Variants in SGPP1 observed in about 807,000 individuals in gnomAD.
SGPP1 encodes the protein sphingosine-1-phosphate phosphatase 1.
Under a neutral mutation model 33.0 loss-of-function variants are expected in SGPP1, and 21 were observed. The ratio of observed to expected loss-of-function variants is 0.64; its 90% CI spans 0.45 to 0.92. The LOEUF is 0.92. Ranked by LOEUF, SGPP1 falls within the 40% of genes least tolerant of loss-of-function variation. SGPP1 has a pLI of 0.00. For missense variants in SGPP1, 543 were observed against 589.4 expected (o/e 0.92, Z 0.81); for synonymous variants, 239 against 241.2 (o/e 0.99, Z 0.08).
intron 1 of SGPP1, among the ~76,000 whole-genome samples, chr14:63,711,007 TTTTC>T (rs1225939344): frequency 4.7e-5 from 7 of 149,990 alleles, no homozygotes; most frequent in East Asian, 3.8e-4. Flanking sequence ...ATTAAGATTG[TTTTC>T]TTTCTTTTTT....
intron 1 of SGPP1, among the ~76,000 whole-genome samples, chr14:63,721,510 A>C (rs1478370393): frequency 6.6e-6 from 1 of 152,192 alleles, no homozygotes; most frequent in African/African-American, 2.4e-5. Flanking sequence ...TTTCAAACAC[A>C]AGTATCGTGC....
intron 1 of SGPP1, among the ~76,000 whole-genome samples, chr14:63,700,881 T>C (rs542840990): frequency 3.9e-5 from 6 of 152,302 alleles, no homozygotes; most frequent in Admixed American, 2.0e-4. Flanking sequence ...GGAAACTACA[T>C]GTTGAGATGC....
intron 1 of SGPP1, among the ~76,000 whole-genome samples, chr14:63,725,993 C>G (rs1407285274): frequency 6.6e-6 from 1 of 152,216 alleles, no homozygotes; most frequent in Non-Finnish European, 1.5e-5. Context: ...GCTTCACAAT[C>G]TGAACATCAC....
At chr14:63,705,907 C>G (rs191833093) in intron 1 of SGPP1, among the ~76,000 whole-genome samples, 1 of 152,254 alleles carries the variant, frequency 6.6e-6, no homozygotes, top group Admixed American at 6.5e-5. Flanking sequence ...AATTACCATA[C>G]GACCCACACA....
chr14:63,708,215 T>C (rs1237540376), intron 1 of SGPP1, among the ~76,000 whole-genome samples: 1 of 151,778 alleles, frequency 6.6e-6, no homozygotes, highest in African/African-American at 2.4e-5. Flanking sequence ...CCAATCTTTC[T>C]TTTTTTCTTG....
intron 1 of SGPP1, among the ~76,000 whole-genome samples, chr14:63,706,367 G>C (rs1393694559): frequency 6.6e-6 from 1 of 152,072 alleles, no homozygotes; most frequent in South Asian, 2.1e-4. Context: ...ACGGTTGTAC[G>C]ACATTGTGAA....
At chr14:63,692,486 G>A (rs1189302689) in intron 2 of SGPP1, among the ~76,000 whole-genome samples, 1 of 151,434 alleles carries the variant, frequency 6.6e-6, no homozygotes, top group Non-Finnish European at 1.5e-5. Context: ...GTCTTGCCGT[G>A]TCATTCAGCC....
chr14:63,715,250 G>A (rs914237482), intron 1 of SGPP1, among the ~76,000 whole-genome samples: 7 of 149,292 alleles, frequency 4.7e-5, no homozygotes, highest in Non-Finnish European at 8.9e-5. Context: ...CCTGACCTCA[G>A]GTGATCCACC....
At chr14:63,718,970 GTATATACATATATATATA>G (rs1885688678) in intron 1 of SGPP1, among the ~76,000 whole-genome samples, 2 of 63,560 alleles carry the variant, frequency 3.1e-5, no homozygotes, top group Non-Finnish European at 5.5e-5. Flanking sequence ...TCATATATAT[GTATATACATATATATATA>G]TATATATATA....
intron 2 of SGPP1, among the ~76,000 whole-genome samples, chr14:63,689,653 G>A (rs1034217788): frequency 3.3e-5 from 5 of 151,962 alleles, no homozygotes; most frequent in African/African-American, 4.8e-5. Context: ...AAAATTAGCC[G>A]GGTGTGGTGG....
chr14:63,704,908 T>C (rs1263203546), intron 1 of SGPP1, among the ~76,000 whole-genome samples: 5 of 152,026 alleles, frequency 3.3e-5, no homozygotes, highest in Admixed American at 3.3e-4. Flanking sequence ...GGAAGATCAC[T>C]TGAGGTCAGG....
At chr14:63,706,464 CAT>C (rs758712579) in intron 1 of SGPP1, among the ~76,000 whole-genome samples, 2 of 152,072 alleles carry the variant, frequency 1.3e-5, no homozygotes, top group Non-Finnish European at 2.9e-5. Flanking sequence ...CAAAAATAAA[CAT>C]ATCCAGAATG....
At chr14:63,708,251 C>CTT (rs36105615) in intron 1 of SGPP1, among the ~76,000 whole-genome samples, 2,864 of 97,912 alleles carry the variant, frequency 0.029, 184 homozygotes, top group Middle Eastern at 0.042. Flanking sequence ...AGCAGCAATC[C>CTT]TTTTTTTTTT....
intron 1 of SGPP1, among the ~76,000 whole-genome samples, chr14:63,705,358 A>T (rs566316960): frequency 2.0e-5 from 3 of 150,800 alleles, no homozygotes; most frequent in East Asian, 3.9e-4. Context: ...AGATATACAA[A>T]TGGCCAAAAA....
At chr14:63,719,265 A>G (rs1459559071) in intron 1 of SGPP1, among the ~76,000 whole-genome samples, 1 of 150,938 alleles carries the variant, frequency 6.6e-6, no homozygotes, top group Non-Finnish European at 1.5e-5. Context: ...TCAGCCTCCC[A>G]AAGTGCTATG....
At chr14:63,717,586 T>C (rs1476514410) in intron 1 of SGPP1, among the ~76,000 whole-genome samples, 1 of 152,060 alleles carries the variant, frequency 6.6e-6, no homozygotes, top group Non-Finnish European at 1.5e-5. Context: ...CCTCCCAAAG[T>C]GCTGGGATTA....
chr14:63,700,398 T>C (rs144077557), intron 1 of SGPP1, among the ~76,000 whole-genome samples: 45 of 152,320 alleles, frequency 3.0e-4, no homozygotes, highest in African/African-American at 1.1e-3. Flanking sequence ...CCTATTTCAT[T>C]TGGAAACACC....
intron 2 of SGPP1, among the ~76,000 whole-genome samples, chr14:63,689,381 G>A (rs964836843): frequency 6.6e-6 from 1 of 151,986 alleles, no homozygotes; most frequent in Non-Finnish European, 1.5e-5. Context: ...TGAACTCCTG[G>A]GCTCAAGTGA....
chr14:63,688,956 C>T (rs899132789), intron 2 of SGPP1, among the ~76,000 whole-genome samples: 4 of 152,180 alleles, frequency 2.6e-5, no homozygotes, highest in South Asian at 2.1e-4. Flanking sequence ...CTCCTGACCT[C>T]GTGATCCTCC....
Sources: gnomAD v4.1 joint callset for allele counts (sites outside exome capture counted in the v4.1 genomes callset) on GRCh38, gnomAD v4.1.1 for gene constraint, MANE v1.5 for transcripts, NCBI Gene and HGNC (gene_info 2026-07-23, HGNC 2026-07-21) for gene names.